RASGRF2: variants seen among roughly 807,000 people sequenced by gnomAD.
The protein encoded by RASGRF2 is ras-specific guanine nucleotide-releasing factor 2.
RASGRF2 carries 76 observed loss-of-function variants against 151.0 expected under a neutral mutation model. The observed-to-expected ratio is 0.50, with a 90% confidence interval of 0.42 to 0.61. The LOEUF is 0.61. RASGRF2 is among the 20% of genes least tolerant of loss of function. The pLI, the probability that RASGRF2 is intolerant of heterozygous loss-of-function variation, is 0.00. For synonymous variants in RASGRF2, 504 were observed against 566.5 expected (o/e 0.89, Z 1.57); for missense variants, 1,148 against 1,564.6 (o/e 0.73, Z 4.49).
intron 17 of RASGRF2, among the ~76,000 whole-genome samples, chr5:81,148,552 T>A (rs1181664603): frequency 6.6e-6 from 1 of 151,932 alleles, no homozygotes; most frequent in African/African-American, 2.4e-5. Flanking sequence ...TTGCTTCAGC[T>A]AAACATGTAA....
At position 81,087,205 on chromosome 5, in the gene RASGRF2, C is replaced by A; in HGVS notation, c.1390+252C>A. 4.3e-6 allele frequency: 3 copies of A among 703,140 alleles called. No individual in the cohort carries two copies. The African/African-American group carries it at 5.2e-5, about 12-fold the overall frequency. The allele number at this position is 703,140 out of a possible 1,614,324, so 43.6% of individuals were successfully genotyped here. ...GTTACATTCTGACTGGACGCTCCTC[C>A]TCAGCGGCCCGGACATTCTCTGCAG... On this transcript the variant is annotated intron_variant, in intron 9 of 26. Transcript: ENST00000265080.
chr5:81,042,918 A>T lies in RASGRF2; in HGVS notation c.330A>T (p.Pro110=). 6.2e-7 allele frequency: 1 copy of T among 1,613,018 alleles called. No individual in the cohort carries two copies. ...TVLFGHEGQK[P]LELRCEEEQD... ...TTTTTGGCCATGAAGGTCAGAAGCC[A>T]CTGGAGCTGCGCTGTGAGGAGGAGC... Residue 110 remains proline, a synonymous_variant, in exon 2 of 27, where the codon CCA becomes CCT. Transcript: ENST00000265080.
chr5:81,018,471 C>T (rs938036794), intron 1 of RASGRF2, among the ~76,000 whole-genome samples: 14 of 152,128 alleles, frequency 9.2e-5, no homozygotes, highest in Non-Finnish European at 1.9e-4. Flanking sequence ...TTCTGAAGGG[C>T]CAGACGTACC....
intron 17 of RASGRF2, among the ~76,000 whole-genome samples, chr5:81,160,830 C>T (rs1004718536): frequency 6.6e-6 from 1 of 151,898 alleles, no homozygotes; most frequent in African/African-American, 2.4e-5. Context: ...ATGATCACAT[C>T]CCTGCACTCC....
intron 18 of RASGRF2, among the ~76,000 whole-genome samples, chr5:81,181,978 C>G (rs1754926519): frequency 6.6e-6 from 1 of 151,492 alleles, no homozygotes; most frequent in South Asian, 2.1e-4. Flanking sequence ...TGAAAAAATT[C>G]ATAGATGGGG....
intron 1 of RASGRF2, among the ~76,000 whole-genome samples, chr5:81,025,498 C>T (rs771430166): frequency 2.6e-5 from 4 of 152,108 alleles, no homozygotes; most frequent in East Asian, 1.9e-4. Context: ...CACAGTTCTC[C>T]GTGAAGAAAT....
intron 12 of RASGRF2, among the ~76,000 whole-genome samples, chr5:81,096,686 G>A (rs1470981881): frequency 6.6e-6 from 1 of 152,144 alleles, no homozygotes; most frequent in Non-Finnish European, 1.5e-5. Flanking sequence ...ATTGTTAAGA[G>A]AGAAAGACCC....
chr5:81,180,276 G>A lies in RASGRF2; in HGVS notation c.2788G>A (p.Ala930Thr), dbSNP rs761213181. 6.3e-6 allele frequency: 10 copies of A among 1,590,032 alleles called. No homozygotes were observed. In the East Asian group the frequency reaches 6.7e-5, roughly 11 times the overall value. Residue 930 changes from alanine (A) to threonine (T), a missense_variant, in exon 18 of 27, where the codon GCA (alanine) becomes ACA (threonine). Ala to Thr is a moderately conservative substitution (Grantham distance 58). Transcript: ENST00000265080. ...NVLRHWVSKH[A>T]QDFELNNELK... Reference sequence around the variant, plus strand: ...CCTCCGTCACTGGGTCTCAAAGCACGCACAGGTAAGTCAGTGCCCTCATTA... The same window carrying A: ...CCTCCGTCACTGGGTCTCAAAGCACACACAGGTAAGTCAGTGCCCTCATTA...
intron 1 of RASGRF2, among the ~76,000 whole-genome samples, chr5:80,980,580 T>A (rs936975120): frequency 3.3e-5 from 5 of 152,110 alleles, no homozygotes; most frequent in African/African-American, 1.2e-4. Flanking sequence ...AAGCAAAGGT[T>A]GCAGTGAACC....
intron 2 of RASGRF2, among the ~76,000 whole-genome samples, chr5:81,046,254 A>G (rs150362130): frequency 9.1e-4 from 139 of 152,220 alleles, no homozygotes; most frequent in African/African-American, 3.2e-3. Flanking sequence ...TTTGTGTGCT[A>G]TGAACATCAC....
intron 2 of RASGRF2, among the ~76,000 whole-genome samples, chr5:81,060,329 G>C (rs574779107): frequency 1.3e-5 from 2 of 152,144 alleles, no homozygotes; most frequent in Non-Finnish European, 2.9e-5. Context: ...TGCACATACT[G>C]TTCCCTGGGC....
intron 1 of RASGRF2, among the ~76,000 whole-genome samples, chr5:81,000,422 T>A (rs1488452550): frequency 6.6e-6 from 1 of 152,162 alleles, no homozygotes; most frequent in African/African-American, 2.4e-5. Context: ...TTATATTTTT[T>A]AGTAGAGACG....
chr5:80,963,442 C>G (rs115080713), intron 1 of RASGRF2, among the ~76,000 whole-genome samples: 1,910 of 152,202 alleles, frequency 0.013, 19 homozygotes, highest in Non-Finnish European at 0.02. Flanking sequence ...TTAATCTTTT[C>G]TCTTTTTTTC....
At chr5:81,183,293 CTAA>C (rs1236659283) in intron 18 of RASGRF2, 3 of 982,096 alleles carry the variant, frequency 3.1e-6, no homozygotes, top group Non-Finnish European at 3.6e-6. Flanking sequence ...TCGACATCAT[CTAA>C]TTATTTCTCA....
At chr5:81,171,575 G>A (rs568042337) in intron 17 of RASGRF2, among the ~76,000 whole-genome samples, 1 of 150,676 alleles carries the variant, frequency 6.6e-6, no homozygotes, top group South Asian at 2.1e-4. Flanking sequence ...GTGTGTGTAT[G>A]TGTTCTGCAT....
chr5:80,984,186 G>T (rs1302848423), intron 1 of RASGRF2, among the ~76,000 whole-genome samples: 1 of 152,086 alleles, frequency 6.6e-6, no homozygotes, highest in Admixed American at 6.5e-5. Context: ...TCAGTCTCCC[G>T]AGTAGCTGGG....
In RASGRF2 at chr5:81,092,954, T is replaced by A; in HGVS notation, c.1544T>A (p.Leu515Gln). ...CTRSSGGKLHLLKTGGVLSLI... is the reference protein window; with the variant it reads ...CTRSSGGKLHQLKTGGVLSLI... The stretch of plus-strand genomic sequence containing the variant: ...AGAAGTTCAGGAGGGAAGCTTCATC[T>A]GCTCAAGGTACTGGTTTTCCATAAC... The change falls in exon 10 of 27, where the codon CTG becomes CAG. Residue 515 changes from leucine (L) to glutamine (Q), a missense_variant. By Grantham distance (113) the Leu-to-Gln change is moderately radical. Coordinates refer to ENST00000265080, the MANE Select transcript of RASGRF2 (RefSeq NM_006909.3). 2 of 1,610,232 alleles carry A rather than the reference T, an allele frequency of 1.2e-6. No homozygotes were observed. Among genetic ancestry groups the A allele is most frequent in the Non-Finnish European group, 1.7e-6 (2 of 1,177,704 alleles).
At position 81,228,296 on chromosome 5, in the gene RASGRF2, A is replaced by C. The variant is rs1756042404; in HGVS notation, c.*2526A>C. On this transcript the variant is annotated 3_prime_UTR_variant, in exon 27 of 27. Coordinates refer to ENST00000265080, the MANE Select transcript of RASGRF2 (RefSeq NM_006909.3). ...GGAGCTGCAAGAGGGCAAGAGAGAG[A>C]GCTCCACCTCTGAGGGAGTGTCTGT... 1 of 152,184 alleles carries C rather than the reference A, an allele frequency of 6.6e-6. No individual in the cohort carries two copies. Among genetic ancestry groups the C allele is most frequent in the Admixed American group, 6.5e-5 (1 of 15,280 alleles). 9.4% of individuals were successfully genotyped at this position (152,184 alleles called of 1,614,324 possible).
chr5:81,043,331 T>C (rs1414665068), intron 2 of RASGRF2, among the ~76,000 whole-genome samples: 1 of 152,180 alleles, frequency 6.6e-6, no homozygotes, highest in Non-Finnish European at 1.5e-5. Context: ...TAATTCCCCC[T>C]GTCTGCAGAT....
Sources: allele counts gnomAD v4.1 joint callset (sites outside exome capture counted in the v4.1 genomes callset), GRCh38; gene constraint gnomAD v4.1.1; transcripts MANE v1.5; gene names NCBI Gene and HGNC (gene_info 2026-07-23, HGNC 2026-07-21).